Variants in PCNX1 observed in about 807,000 individuals in gnomAD.
PCNX1 encodes pecanex 1.
PCNX1 carries 78 observed loss-of-function variants against 242.2 expected under a neutral mutation model. The observed-to-expected ratio is 0.32, with a 90% CI of 0.27 to 0.39. The LOEUF (loss-of-function observed/expected upper bound fraction) is 0.39. Among genes scored for constraint, PCNX1 ranks in the 10% least tolerant of loss-of-function variants. The probability of loss-of-function intolerance (pLI) is 1.00; values close to 1 mark genes in which losing one functional copy is unlikely to be tolerated. For synonymous variants in PCNX1, 1,024 were observed against 1,032.9 expected (o/e 0.99, Z 0.17); for missense variants, 2,581 against 2,856.5 (o/e 0.90, Z 2.20).
chr14:70,962,140 A>T lies in PCNX1; in HGVS notation c.363-86A>T. 4 of 850,324 alleles carry T rather than the reference A, an allele frequency of 4.7e-6. No homozygotes were observed. In the South Asian group the frequency reaches 6.3e-5, roughly 13 times the overall value. 52.7% of individuals were successfully genotyped at this position (850,324 alleles called of 1,614,324 possible). ...TCAGAACCTCTTAGTTTTGTGGAAA[A>T]AAGTATAACTTAAAAAATTAACAAA... On this transcript the variant is annotated intron_variant, in intron 2 of 35. Coordinates refer to ENST00000304743, the MANE Select transcript of PCNX1 (RefSeq NM_014982.3).
At chr14:70,986,233 T>C (rs2058998008) in intron 6 of PCNX1, among the ~76,000 whole-genome samples, 1 of 152,224 alleles carries the variant, frequency 6.6e-6, no homozygotes, top group South Asian at 2.1e-4. Flanking sequence ...GCAGTTGCCA[T>C]AGTCAACATT....
In PCNX1 at chr14:70,978,168, G is replaced by T. The variant is rs1239193700; in HGVS notation, c.1831G>T (p.Ala611Ser). Residue 611 changes from alanine (A) to serine (S), a missense_variant, in exon 6 of 36, where the codon GCA becomes TCA. By Grantham distance (99) the Ala-to-Ser change is moderately conservative. This residue lies in a region of PCNX1 where 1,204 missense variants were observed against 1,216.7 expected (regional missense o/e 0.99). Transcript: ENST00000304743. ...TAGTGATCAGAGTGACTTGAGTAGAGCATCAAGTGTTCAGTCTGCTCACCA... is the reference window on the plus strand; with the variant it reads ...TAGTGATCAGAGTGACTTGAGTAGATCATCAAGTGTTCAGTCTGCTCACCA... ...DSSDQSDLSR[A>S]SSVQSAHQFS... is the part of the protein sequence containing the mutation. 5 of 1,614,094 alleles carry T rather than the reference G, an allele frequency of 3.1e-6. No homozygotes were observed. The highest frequency in any genetic ancestry group is 4.2e-6 in the Non-Finnish European group (5 of 1,179,994).
At chr14:70,911,511 C>G (rs191517834) in intron 1 of PCNX1, among the ~76,000 whole-genome samples, 3 of 152,076 alleles carry the variant, frequency 2.0e-5, no homozygotes, top group African/African-American at 7.2e-5. Context: ...CTTTAAGGTA[C>G]TCATTCTTTT....
Position 71,009,702 on chromosome 14 carries a change from G to C in PCNX1, c.2698G>C (p.Ala900Pro). ...DMSLVNFEPA[A>P]RRASNICDTD... ...GTCACTTGTGAATTTTGAACCAGCA[G>C]CAAGAAGAGCATCCAATATCTGGTA... Residue 900 changes from alanine to proline, a missense_variant, in exon 9 of 36, where the codon GCA (alanine) becomes CCA (proline). This residue lies in a region of PCNX1 where 1,204 missense variants were observed against 1,216.7 expected (regional missense o/e 0.99). Coordinates refer to ENST00000304743, the MANE Select transcript of PCNX1 (RefSeq NM_014982.3). The C allele has an allele frequency of 1.3e-6, 2 of 1,599,044 alleles. No homozygotes were observed. The highest frequency in any genetic ancestry group is 8.6e-7 in the Non-Finnish European group (1 of 1,168,612).
At chr14:71,009,563 A>T in intron 8 of PCNX1, 71 bp from the exon 9 acceptor site, 1 of 871,692 alleles carries the variant, frequency 1.1e-6, no homozygotes, top group South Asian at 2.4e-5. Context: ...AAACTTACGA[A>T]ATTTAGTATA....
chr14:71,031,684 T>C, intron 16 of PCNX1: 2 of 765,546 alleles, frequency 2.6e-6, no homozygotes, highest in Non-Finnish European at 2.3e-6. Context: ...CTCACGTCTG[T>C]ACATGAGCCC....
intron 1 of PCNX1, among the ~76,000 whole-genome samples, chr14:70,946,381 G>T (rs1387213373): frequency 1.3e-5 from 2 of 152,030 alleles, no homozygotes; most frequent in Non-Finnish European, 2.9e-5. Flanking sequence ...CATTATATTT[G>T]GATCACAACC....
rs147841513 is a variant in PCNX1, at chr14:70,928,700, A to G, written c.154-18215A>G. Among the ~76,000 whole-genome samples the G allele has an allele frequency of 4.8e-3, 736 of 152,310 alleles. 3 individuals carry two copies. Among genetic ancestry groups the G allele is most frequent in the Middle Eastern group, 0.014 (4 of 294 alleles). ...TCTCAAGTTATATTCCTATATAGCC[A>G]TTCTTTCAGTTTTTACTTTGGGAAT... is the stretch of plus-strand genomic sequence containing the variant. On this transcript the variant is annotated intron_variant, in intron 1 of 35. Coordinates refer to ENST00000304743, the MANE Select transcript of PCNX1 (RefSeq NM_014982.3).
intron 26 of PCNX1, among the ~76,000 whole-genome samples, chr14:71,073,151 G>A (rs2061626828): frequency 6.6e-6 from 1 of 152,130 alleles, no homozygotes; most frequent in Non-Finnish European, 1.5e-5. Context: ...AAATTAGCTG[G>A]GCCTGGTGGC....
intron 2 of PCNX1, among the ~76,000 whole-genome samples, chr14:70,950,134 C>T (rs764469194): frequency 6.6e-6 from 1 of 152,036 alleles, no homozygotes; most frequent in Non-Finnish European, 1.5e-5. Context: ...AACATGAGTA[C>T]CCTGTTTGTT....
At chr14:71,011,649 T>C (rs1479950885) in intron 10 of PCNX1, 100 bp downstream of exon 10, 2 of 758,608 alleles carry the variant, frequency 2.6e-6, no homozygotes, top group African/African-American at 3.6e-5. Flanking sequence ...ATTGATGAAG[T>C]TACACAAAAA....
Position 71,105,851 on chromosome 14 carries a change from AT to A in PCNX1, c.6301+419del, listed in dbSNP as rs1418653598. Among the ~76,000 whole-genome samples, 17 of 147,490 alleles carry A rather than the reference AT, an allele frequency of 1.2e-4. No homozygotes were observed. The East Asian group carries it at 1.2e-3, about 11-fold the overall frequency. ...CCACCACACCCAGCCCAGAAATATA[AT>A]TTTTTTTATTCCAAGTTGTACATTA... On this transcript the variant is annotated intron_variant, in intron 33 of 35. Coordinates refer to ENST00000304743, the MANE Select transcript of PCNX1 (RefSeq NM_014982.3).
chr14:71,062,398 T>A (rs1044678238), intron 26 of PCNX1, among the ~76,000 whole-genome samples: 5 of 151,838 alleles, frequency 3.3e-5, no homozygotes, highest in East Asian at 3.9e-4. Context: ...AGTAAAAAAA[T>A]TTTAAATTTT....
rs1345354861 is a variant in PCNX1 at position 70,962,658 on chromosome 14, C to T, written c.468+327C>T. On this transcript the variant is annotated intron_variant, in intron 3 of 35. Coordinates refer to ENST00000304743, the MANE Select transcript of PCNX1 (RefSeq NM_014982.3). The stretch of plus-strand genomic sequence containing the variant: ...GAGAGGTGTAGATGTCTGTGGTTAC[C>T]CCCAGTTTAAACGTGGCCAAAAAAT... Among the ~76,000 whole-genome samples the T allele has an allele frequency of 2.7e-5, 4 of 149,210 alleles. No homozygotes were observed. In the South Asian group the frequency reaches 8.6e-4, roughly 32 times the overall value.
intron 8 of PCNX1, among the ~76,000 whole-genome samples, chr14:71,008,137 A>G (rs990088325): frequency 6.6e-6 from 1 of 152,204 alleles, no homozygotes; most frequent in Non-Finnish European, 1.5e-5. Context: ...ATGTACTTAA[A>G]TAATTCAAAT....
chr14:71,045,261 G>C lies in PCNX1; in HGVS notation c.3996G>C (p.Glu1332Asp). The C allele has an allele frequency of 6.2e-7, 1 of 1,605,456 alleles. No individual in the cohort carries two copies. Among genetic ancestry groups the C allele is most frequent in the Non-Finnish European group, 8.5e-7 (1 of 1,177,424 alleles). ...CFSHPLLKTL[E>D]YNQYEVRNAA... ...CTCATCCTCTGCTAAAGACACTAGA[G>C]TATAATCAGTATGAAGTTCGAAGTA... The change falls in exon 20 of 36, where the codon GAG (glutamate) becomes GAC (aspartate). Residue 1332 changes from glutamate (E) to aspartate (D), a missense_variant. Glu to Asp is a conservative substitution (Grantham distance 45). Around this residue, in one of 9 missense-constraint regions of PCNX1, gnomAD observed 432 missense variants for 443.1 expected, o/e 0.97. Transcript: ENST00000304743.
rs776827197 is a variant in PCNX1 at position 70,977,732 on chromosome 14, C to T, written c.1395C>T (p.His465=). 8.1e-6 allele frequency: 13 copies of T among 1,613,936 alleles called. No homozygotes were observed. Among genetic ancestry groups the T allele is most frequent in the African/African-American group, 2.7e-5 (2 of 74,900 alleles). ...AAGCGAGTACCAACAGTGGGGTTCA[C>T]GAGGCCAAGGACCCCACCCCCTCTG... ...AMEASTNSGV[H]EAKDPTPSDE... The change falls in exon 6 of 36, where the codon CAC becomes CAT. Residue 465 remains histidine, a synonymous_variant. Coordinates refer to ENST00000304743, the MANE Select transcript of PCNX1 (RefSeq NM_014982.3).
chr14:70,955,942 A>G (rs753888233), intron 2 of PCNX1, among the ~76,000 whole-genome samples: 8 of 151,174 alleles, frequency 5.3e-5, no homozygotes, highest in Non-Finnish European at 1.0e-4. Context: ...CTTCCCACAC[A>G]TTGTTGTTTG....
At chr14:70,926,123 T>C (rs2056583042) in intron 1 of PCNX1, among the ~76,000 whole-genome samples, 1 of 152,214 alleles carries the variant, frequency 6.6e-6, no homozygotes, top group African/African-American at 2.4e-5. Context: ...GCCCATTTAG[T>C]ACAGTGTTTT....
Sources: allele counts gnomAD v4.1 joint callset (sites outside exome capture counted in the v4.1 genomes callset), GRCh38; gene constraint gnomAD v4.1.1; regional missense constraint gnomAD v4.1.1; transcripts MANE v1.5; gene names NCBI Gene and HGNC (gene_info 2026-07-23, HGNC 2026-07-21).